NXPH1: variants seen among roughly 807,000 people sequenced by gnomAD.
NXPH1 encodes the protein neurexophilin 1.
NXPH1 carries 5 observed loss-of-function variants against 23.7 expected under a neutral mutation model. The observed-to-expected ratio is 0.21, with a 90% confidence interval of 0.11 to 0.44. The LOEUF is 0.44. Among genes scored for constraint, NXPH1 ranks in the 20% least tolerant of loss-of-function variants. The pLI, the probability that NXPH1 is intolerant of heterozygous loss-of-function variation, is 0.99. For synonymous variants in NXPH1, 144 were observed against 122.2 expected (o/e 1.18, Z -1.18); for missense variants, 324 against 321.6 (o/e 1.01, Z -0.06).
intron 2 of NXPH1, among the ~76,000 whole-genome samples, chr7:8,607,895 C>T (rs1001237300): frequency 6.6e-6 from 1 of 152,196 alleles, no homozygotes; most frequent in Non-Finnish European, 1.5e-5. Context: ...ATGACTGGTG[C>T]CCTCGTGAGG....
rs530065625 is a variant in NXPH1, at chr7:8,520,517, A to G, written c.54+84750A>G. On this transcript the variant is annotated intron_variant, in intron 2 of 2. Transcript: ENST00000405863. ...CAGATATAAGTCCGACACGGTAGGA[A>G]AGTGACCCAAAGGGAAGTGCTTATT... is the stretch of plus-strand genomic sequence containing the variant. Among the ~76,000 whole-genome samples, 5 of 152,302 alleles carry G rather than the reference A, an allele frequency of 3.3e-5. No homozygotes were observed. In the East Asian group the frequency reaches 9.7e-4, roughly 30 times the overall value.
chr7:8,609,294 A>G (rs767252547), intron 2 of NXPH1, among the ~76,000 whole-genome samples: 36 of 152,210 alleles, frequency 2.4e-4, no homozygotes, highest in African/African-American at 8.4e-4. Context: ...TTAACCTTCT[A>G]TTCTAAAATT....
At chr7:8,590,491 G>A (rs1047542755) in intron 2 of NXPH1, among the ~76,000 whole-genome samples, 11 of 152,016 alleles carry the variant, frequency 7.2e-5, no homozygotes, top group African/African-American at 2.7e-4. Flanking sequence ...CTTTACAGAT[G>A]TCAGGTCTTT....
chr7:8,584,474 G>A (rs1818941484), intron 2 of NXPH1, among the ~76,000 whole-genome samples: 1 of 152,090 alleles, frequency 6.6e-6, no homozygotes, highest in Admixed American at 6.5e-5. Context: ...AGGTTTCATA[G>A]GGGGATAAAA....
At chr7:8,529,316 G>A (rs1405754436) in intron 2 of NXPH1, among the ~76,000 whole-genome samples, 1 of 152,210 alleles carries the variant, frequency 6.6e-6, no homozygotes, top group Non-Finnish European at 1.5e-5. Context: ...TCATAGATAT[G>A]GCACCAGGGG....
chr7:8,612,284 CT>C (rs1819639194), intron 2 of NXPH1, among the ~76,000 whole-genome samples: 1 of 133,484 alleles, frequency 7.5e-6, no homozygotes, highest in Non-Finnish European at 1.6e-5. Context: ...ATTTTTTTTT[CT>C]TTTTCTGCCT....
At chr7:8,734,360 CT>C (rs1421219702) in intron 2 of NXPH1, among the ~76,000 whole-genome samples, 4 of 152,080 alleles carry the variant, frequency 2.6e-5, no homozygotes, top group Admixed American at 1.3e-4. Flanking sequence ...TATACGGGCT[CT>C]TTTTTGGTTC....
At chr7:8,714,843 C>T (rs563211948) in intron 2 of NXPH1, among the ~76,000 whole-genome samples, 21 of 152,232 alleles carry the variant, frequency 1.4e-4, no homozygotes, top group African/African-American at 5.1e-4. Flanking sequence ...TTTACTCTTC[C>T]CTCCCCTCTC....
intron 2 of NXPH1, among the ~76,000 whole-genome samples, chr7:8,513,987 A>G (rs553144420): frequency 6.6e-6 from 1 of 152,172 alleles, no homozygotes; most frequent in Admixed American, 6.5e-5. Context: ...GTAGAGGACC[A>G]TCTTCTCCCT....
chr7:8,616,286 C>G (rs1381107852), intron 2 of NXPH1, among the ~76,000 whole-genome samples: 4 of 147,602 alleles, frequency 2.7e-5, no homozygotes, highest in Non-Finnish European at 6.0e-5. Context: ...TCTGCCCAAA[C>G]ACTTTCCCCA....
At chr7:8,448,776 C>T (rs898220842) in intron 2 of NXPH1, among the ~76,000 whole-genome samples, 1 of 144,600 alleles carries the variant, frequency 6.9e-6, no homozygotes, top group African/African-American at 2.6e-5. Context: ...GATTGTGCCA[C>T]TGCACTGCAG....
At chr7:8,689,296 C>G (rs1562455321) in intron 2 of NXPH1, among the ~76,000 whole-genome samples, 1 of 140,314 alleles carries the variant, frequency 7.1e-6, no homozygotes, top group Non-Finnish European at 1.5e-5. Flanking sequence ...CTATTACATG[C>G]TACATTCTAT....
intron 2 of NXPH1, among the ~76,000 whole-genome samples, chr7:8,669,171 G>A (rs913994502): frequency 6.6e-6 from 1 of 152,224 alleles, no homozygotes; most frequent in African/African-American, 2.4e-5. Flanking sequence ...GCTGGTGTGG[G>A]TGTGTGCTGG....
At chr7:8,449,915 A>G (rs1371001764) in intron 2 of NXPH1, among the ~76,000 whole-genome samples, 1 of 152,212 alleles carries the variant, frequency 6.6e-6, no homozygotes, top group East Asian at 1.9e-4. Context: ...AAGTTAAGAA[A>G]TGCAAGCTTG....
At chr7:8,439,989 T>G (rs1489937585) in intron 2 of NXPH1, among the ~76,000 whole-genome samples, 1 of 152,222 alleles carries the variant, frequency 6.6e-6, no homozygotes, top group Non-Finnish European at 1.5e-5. Context: ...TTCCTGACAG[T>G]GGCTATTAAG....
intron 2 of NXPH1, among the ~76,000 whole-genome samples, chr7:8,500,749 T>C (rs936467466): frequency 6.6e-6 from 1 of 152,114 alleles, no homozygotes; most frequent in Non-Finnish European, 1.5e-5. Flanking sequence ...ATAATCCTAA[T>C]AGCAAAATAC....
chr7:8,647,237 C>T (rs541959481), intron 2 of NXPH1, among the ~76,000 whole-genome samples: 1 of 152,348 alleles, frequency 6.6e-6, no homozygotes, highest in African/African-American at 2.4e-5. Flanking sequence ...CCCACAGTGT[C>T]TCCACTGGCC....
chr7:8,618,192 C>T (rs539289085), intron 2 of NXPH1, among the ~76,000 whole-genome samples: 10 of 152,076 alleles, frequency 6.6e-5, no homozygotes, highest in African/African-American at 2.4e-5. Flanking sequence ...AATGGATACT[C>T]ATGTTTGTAC....
chr7:8,724,953 G>C (rs1780024918), intron 2 of NXPH1, among the ~76,000 whole-genome samples: 1 of 152,224 alleles, frequency 6.6e-6, no homozygotes, highest in Non-Finnish European at 1.5e-5. Context: ...GCCCAGGCTT[G>C]TGGACAGCAG....
Sources: allele counts gnomAD v4.1 joint callset (sites outside exome capture counted in the v4.1 genomes callset), GRCh38; gene constraint gnomAD v4.1.1; transcripts MANE v1.5; gene names NCBI Gene and HGNC (gene_info 2026-07-23, HGNC 2026-07-21).